Variants in PRKCZ observed in about 807,000 individuals in gnomAD.
PRKCZ encodes the protein protein kinase C zeta type.
Under a neutral mutation model 79.5 loss-of-function variants are expected in PRKCZ, and 33 were observed. The ratio of observed to expected loss-of-function variants is 0.41; its 90% CI spans 0.31 to 0.55. PRKCZ has a LOEUF of 0.55. Ranked by LOEUF, PRKCZ falls within the 20% of genes least tolerant of loss-of-function variation. The probability of loss-of-function intolerance (pLI) is 0.19; values close to 1 mark genes in which losing one functional copy is unlikely to be tolerated. For missense variants in PRKCZ, 578 were observed against 813.5 expected (o/e 0.71, Z 3.52); for synonymous variants, 342 against 320.9 (o/e 1.07, Z -0.70).
intron 3 of PRKCZ, among the ~76,000 whole-genome samples, chr1:2,057,769 A>G (rs777444916): frequency 4.6e-5 from 7 of 152,070 alleles, no homozygotes. Flanking sequence ...CAGTGGCACT[A>G]TCTCTGTTCA....
chr1:2,101,744 G>T (rs1232917634), intron 4 of PRKCZ, among the ~76,000 whole-genome samples: 2 of 152,144 alleles, frequency 1.3e-5, no homozygotes, highest in East Asian at 3.8e-4. Flanking sequence ...ATACTTAGCA[G>T]GTACTTAGCA....
At position 2,071,386 on chromosome 1, in the gene PRKCZ, C is replaced by T. The variant is rs776492996; in HGVS notation, c.334+11795C>T. On this transcript the variant is annotated intron_variant, in intron 4 of 17. Coordinates refer to ENST00000378567, the MANE Select transcript of PRKCZ (RefSeq NM_002744.6). Reference sequence around the variant, plus strand: ...GAGGAGGCGGCCAAACCTAGTGGGGCTGCGCGACCGCCTGTGGAACAGTGG... The same window carrying T: ...GAGGAGGCGGCCAAACCTAGTGGGGTTGCGCGACCGCCTGTGGAACAGTGG... 32 of 440,990 alleles carry T rather than the reference C, an allele frequency of 7.3e-5. No individual in the cohort carries two copies. In the East Asian group the frequency reaches 2.0e-3, roughly 28 times the overall value. The allele number at this position is 440,990 out of a possible 1,614,324, so 27.3% of individuals were successfully genotyped here.
intron 4 of PRKCZ, among the ~76,000 whole-genome samples, chr1:2,086,716 C>G (rs560161897): frequency 1.3e-5 from 2 of 152,192 alleles, no homozygotes; most frequent in African/African-American, 4.8e-5. Context: ...CATGGGGATT[C>G]GATGTGCAGT....
At chr1:2,068,480 G>T (rs1363416108) in intron 4 of PRKCZ, among the ~76,000 whole-genome samples, 1 of 152,262 alleles carries the variant, frequency 6.6e-6, no homozygotes, top group African/African-American at 2.4e-5. Context: ...CCATGTCTGT[G>T]TCTTTTCTCA....
intron 1 of PRKCZ, among the ~76,000 whole-genome samples, chr1:2,051,236 AC>A (rs112756267): frequency 0.06 from 9,088 of 151,664 alleles, 573 homozygotes; most frequent in African/African-American, 0.15. Context: ...GCCGAGACTG[AC>A]CCTGGGGTTT....
At chr1:2,107,602 G>A (rs984653539) in intron 4 of PRKCZ, among the ~76,000 whole-genome samples, 4 of 152,202 alleles carry the variant, frequency 2.6e-5, no homozygotes, top group East Asian at 1.9e-4. Context: ...CTCAGACACC[G>A]AACCCCTGGA....
intron 7 of PRKCZ, 104 bp from the exon 8 acceptor site, chr1:2,148,768 C>A: frequency 8.6e-7 from 1 of 1,168,362 alleles, no homozygotes; most frequent in Non-Finnish European, 1.2e-6. Context: ...TGGATTCACC[C>A]TTCACCGTCA....
At chr1:2,054,522 G>T (rs1487843044) in intron 1 of PRKCZ, among the ~76,000 whole-genome samples, 1 of 151,806 alleles carries the variant, frequency 6.6e-6, no homozygotes, top group Non-Finnish European at 1.5e-5. Context: ...TTCAGGTCCT[G>T]TCTGGGGCTG....
chr1:2,183,735 G>A (rs1687097186), intron 16 of PRKCZ: 2 of 152,554 alleles, frequency 1.3e-5, no homozygotes, highest in Non-Finnish European at 1.5e-5. Flanking sequence ...AGGGGAGGAA[G>A]GCCACGTGTC....
intron 4 of PRKCZ, among the ~76,000 whole-genome samples, chr1:2,083,496 G>A (rs867190046): frequency 3.3e-5 from 5 of 152,082 alleles, no homozygotes; most frequent in East Asian, 3.8e-4. Context: ...ATAACCCATC[G>A]GCTGTTAACA....
chr1:2,108,776 G>A (rs529545310), intron 4 of PRKCZ, among the ~76,000 whole-genome samples: 57 of 152,298 alleles, frequency 3.7e-4, no homozygotes, highest in African/African-American at 1.3e-3. Context: ...AACTTCCTGC[G>A]GCCGCTGTAA....
chr1:2,059,863 G>T (rs1105099), intron 4 of PRKCZ, among the ~76,000 whole-genome samples: 18 of 152,054 alleles, frequency 1.2e-4, no homozygotes, highest in African/African-American at 4.3e-4. Context: ...TAGGAGGGAG[G>T]GGCCAGGTGG....
chr1:2,052,848 C>G (rs1361755574), intron 1 of PRKCZ, among the ~76,000 whole-genome samples: 11 of 152,214 alleles, frequency 7.2e-5, no homozygotes, highest in Admixed American at 6.5e-4. Context: ...GAAGACTAGT[C>G]TTTAGAAAAA....
intron 4 of PRKCZ, among the ~76,000 whole-genome samples, chr1:2,101,689 C>G (rs967259342): frequency 6.6e-6 from 1 of 152,096 alleles, no homozygotes; most frequent in African/African-American, 2.4e-5. Context: ...TGGGGGTTTG[C>G]GAAGATGACA....
rs555588769 is a variant in PRKCZ, at chr1:2,172,512, C to G, written c.1285+124C>G. The stretch of plus-strand genomic sequence containing the variant: ...CACCCAAAAGCCACACACTGTCTTT[C>G]CCAGCCGGATGTCATCATCTGGCCT... On this transcript the variant is annotated intron_variant, in intron 13 of 17. Transcript: ENST00000378567. This position sits in a 1 kb window ranked among gnomAD's most constrained non-coding sequence, Gnocchi z 7.8. 1.8e-6 allele frequency: 2 copies of G among 1,108,688 alleles called. No individual in the cohort carries two copies. Among genetic ancestry groups the G allele is most frequent in the African/African-American group, 1.6e-5 (1 of 63,146 alleles). The allele number at this position is 1,108,688 out of a possible 1,614,324, so 68.7% of individuals were successfully genotyped here. A position where few individuals can be genotyped will look rare whatever the true frequency, so the allele number is the denominator to read the frequency against.
chr1:2,104,841 G>T, intron 4 of PRKCZ: 1 of 985,858 alleles, frequency 1.0e-6, no homozygotes, highest in Non-Finnish European at 1.2e-6. Flanking sequence ...GTTGCGGTGT[G>T]AGCGGGGACT....
intron 5 of PRKCZ, chr1:2,141,362 T>G (rs200036614): frequency 9.6e-6 from 1 of 103,668 alleles, no homozygotes; most frequent in Non-Finnish European, 2.0e-5. Flanking sequence ...TTTTTTTTTT[T>G]TGAGACACAG....
Position 2,168,029 on chromosome 1 carries a change from C to T in PRKCZ, c.975-1489C>T, listed in dbSNP as rs577433168. Among the ~76,000 whole-genome samples the T allele has an allele frequency of 6.6e-6, 1 of 152,152 alleles. No individual in the cohort carries two copies. The highest frequency in any genetic ancestry group is 1.5e-5 in the Non-Finnish European group (1 of 68,028). Reference sequence around the variant, plus strand: ...GTTCCGTGGGGTTGACGTTACTGAACGAGTCCCTCCACGGGTGCACTGAGG... The same window carrying T: ...GTTCCGTGGGGTTGACGTTACTGAATGAGTCCCTCCACGGGTGCACTGAGG... On this transcript the variant is annotated intron_variant, in intron 10 of 17. Coordinates refer to ENST00000378567, the MANE Select transcript of PRKCZ (RefSeq NM_002744.6). This position sits in a 1 kb window ranked among gnomAD's most constrained non-coding sequence, Gnocchi z 4.7.
intron 7 of PRKCZ, among the ~76,000 whole-genome samples, chr1:2,147,872 C>A (rs1678964200): frequency 6.6e-6 from 1 of 152,140 alleles, no homozygotes; most frequent in Admixed American, 6.5e-5. Flanking sequence ...ACCTGTCCAC[C>A]CATCTGTCTG....
Sources: gnomAD v4.1 joint callset for allele counts (sites outside exome capture counted in the v4.1 genomes callset) on GRCh38, gnomAD v4.1.1 for gene constraint, Gnocchi (gnomAD v3.1) non-coding constraint, MANE v1.5 for transcripts, NCBI Gene and HGNC (gene_info 2026-07-23, HGNC 2026-07-21) for gene names.